The following RARB variants were observed in gnomAD, a reference collection of about 807,000 sequenced individuals.
RARB encodes the protein HBV-activated protein.
In RARB, 17 loss-of-function variants were observed where a neutral mutation model predicts 51.9. That is an observed-to-expected ratio of 0.33 (90% CI 0.22 to 0.49). The LOEUF (loss-of-function observed/expected upper bound fraction) is 0.49, where lower values mean the gene tolerates loss of function less well. RARB is among the 20% of genes least tolerant of loss of function. The probability of loss-of-function intolerance (pLI) is 0.99; values close to 1 mark genes in which losing one functional copy is unlikely to be tolerated. For synonymous variants in RARB, 215 were observed against 195.4 expected (o/e 1.10, Z -0.84); for missense variants, 369 against 550.8 (o/e 0.67, Z 3.30).
intron 2 of RARB, among the ~76,000 whole-genome samples, chr3:24,978,353 G>A (rs530094173): frequency 6.6e-6 from 1 of 152,148 alleles, no homozygotes. Flanking sequence ...TTGTACCTCT[G>A]GTAGAATTTG....
At chr3:25,112,968 A>T (rs1046117372) in intron 3 of RARB, among the ~76,000 whole-genome samples, 2 of 152,052 alleles carry the variant, frequency 1.3e-5, no homozygotes, top group Non-Finnish European at 2.9e-5. Flanking sequence ...TTTAGTATAG[A>T]TCTGATTTTG....
At chr3:25,037,538 G>A (rs561987597) in intron 2 of RARB, among the ~76,000 whole-genome samples, 1 of 152,244 alleles carries the variant, frequency 6.6e-6, no homozygotes, top group East Asian at 1.9e-4. Context: ...ATTGACCTAG[G>A]AGAGTGAAAG....
intron 4 of RARB, among the ~76,000 whole-genome samples, chr3:25,156,615 A>G (rs760663994): frequency 1.3e-5 from 2 of 150,900 alleles, no homozygotes; most frequent in Non-Finnish European, 3.0e-5. Flanking sequence ...AGAACAAAAC[A>G]GTTATTTTAA....
At chr3:24,900,201 T>C (rs1448941388) in intron 2 of RARB, among the ~76,000 whole-genome samples, 1 of 152,154 alleles carries the variant, frequency 6.6e-6, no homozygotes, top group Non-Finnish European at 1.5e-5. Context: ...TTGTGGTAAA[T>C]GGAAAATGTC....
Position 24,994,005 on chromosome 3 carries a change from C to G in RARB, c.-379-66120C>G, listed in dbSNP as rs1410121463. ...GTCTTTGAAACAATGATTTTCTTTC[C>G]TTTGGATAAATTCCCAGTAGTGGAA... On this transcript the variant is annotated intron_variant, in intron 2 of 11. Transcript: ENST00000383772. Among the ~76,000 whole-genome samples, 5 of 152,154 alleles carry G rather than the reference C, an allele frequency of 3.3e-5. No homozygotes were observed. The East Asian group carries it at 5.8e-4, about 18-fold the overall frequency.
At chr3:25,241,377 G>A (rs2117969) in intron 5 of RARB, among the ~76,000 whole-genome samples, 60,770 of 151,832 alleles carry the variant, frequency 0.4, 13,194 homozygotes, top group African/African-American at 0.57. Context: ...GTTTTGTTAC[G>A]TAGGTATACA....
At chr3:24,999,696 A>T (rs1697118277) in intron 2 of RARB, among the ~76,000 whole-genome samples, 1 of 152,150 alleles carries the variant, frequency 6.6e-6, no homozygotes, top group African/African-American at 2.4e-5. Context: ...TACAACTTAC[A>T]CTTGCTTCAG....
At chr3:25,083,457 A>G (rs1303853864) in intron 3 of RARB, among the ~76,000 whole-genome samples, 5 of 151,556 alleles carry the variant, frequency 3.3e-5, no homozygotes, top group Non-Finnish European at 5.9e-5. Flanking sequence ...TTTTTTCCAG[A>G]CAGTATTTTT....
chr3:24,865,963 A>G (rs1352434610), intron 2 of RARB, among the ~76,000 whole-genome samples: 1 of 152,128 alleles, frequency 6.6e-6, no homozygotes, highest in Non-Finnish European at 1.5e-5. Context: ...ACAAATATTA[A>G]GTTGACCTCT....
chr3:25,552,312 C>A (rs1284691458), intron 3 of RARB, among the ~76,000 whole-genome samples: 1 of 152,116 alleles, frequency 6.6e-6, no homozygotes, highest in East Asian at 1.9e-4. Context: ...ATTTTAGAGT[C>A]CAGTGTTCCT....
chr3:24,944,730 A>T (rs1695738667), intron 2 of RARB, among the ~76,000 whole-genome samples: 1 of 152,212 alleles, frequency 6.6e-6, no homozygotes. Flanking sequence ...TTTTATTGAA[A>T]TGGTATTCTA....
At chr3:24,829,673 T>C (rs1388634432) in intron 1 of RARB, among the ~76,000 whole-genome samples, 1 of 152,218 alleles carries the variant, frequency 6.6e-6, no homozygotes, top group Non-Finnish European at 1.5e-5. Flanking sequence ...TTCCCTTTAT[T>C]GCTATTGTCT....
At chr3:25,146,827 G>A (rs1022406155) in intron 4 of RARB, among the ~76,000 whole-genome samples, 2 of 152,102 alleles carry the variant, frequency 1.3e-5, no homozygotes, top group African/African-American at 4.8e-5. Flanking sequence ...CATTTGCTAA[G>A]TTCTGAATTC....
At chr3:25,169,989 TAAAAAAAAAAAAA>T (rs58403240) in intron 4 of RARB, among the ~76,000 whole-genome samples, 5 of 137,486 alleles carry the variant, frequency 3.6e-5, no homozygotes, top group African/African-American at 1.1e-4. Context: ...CCTTATTTCT[TAAAAAAAAAAAAA>T]AAAAAAGAAA....
chr3:25,191,066 G>C (rs1289413007), intron 5 of RARB, among the ~76,000 whole-genome samples: 1 of 152,074 alleles, frequency 6.6e-6, no homozygotes, highest in Non-Finnish European at 1.5e-5. Flanking sequence ...AAAGTTATTG[G>C]GAGGCTGTCA....
At chr3:25,471,904 C>T (rs1249238253) in intron 2 of RARB, among the ~76,000 whole-genome samples, 1 of 152,174 alleles carries the variant, frequency 6.6e-6, no homozygotes. Context: ...ATGAAATTGT[C>T]TGGAAAGGCT....
intron 5 of RARB, among the ~76,000 whole-genome samples, chr3:25,284,457 G>C (rs1703601043): frequency 6.7e-6 from 1 of 149,640 alleles, no homozygotes. Flanking sequence ...TATTACTCAA[G>C]TGTATTTTTA....
chr3:25,332,570 T>C (rs1309334600), intron 5 of RARB, among the ~76,000 whole-genome samples: 1 of 152,194 alleles, frequency 6.6e-6, no homozygotes, highest in South Asian at 2.1e-4. Context: ...GCCAATATCA[T>C]ACTGAATGGA....
chr3:25,418,850 C>G (rs1228840843), intron 5 of RARB, among the ~76,000 whole-genome samples: 1 of 150,932 alleles, frequency 6.6e-6, no homozygotes, highest in Non-Finnish European at 1.5e-5. Context: ...GATAAGATAA[C>G]AGGGGTGGTC....
Sources: allele counts gnomAD v4.1 joint callset (sites outside exome capture counted in the v4.1 genomes callset), GRCh38; gene constraint gnomAD v4.1.1; transcripts MANE v1.5; gene names NCBI Gene and HGNC (gene_info 2026-07-23, HGNC 2026-07-21).